PVT1: variants seen among roughly 807,000 people sequenced by gnomAD.
The protein encoded by PVT1 is CXCR4/PVT1 fusion.
chr8:128,075,486 T>C, intron 5 of PVT1, among the ~76,000 whole-genome samples: 1 of 152,326 alleles, frequency 6.6e-6, no homozygotes, highest in South Asian at 2.1e-4. Context: ...TATTAAATGA[T>C]TGCATTCATT....
intron 5 of PVT1, among the ~76,000 whole-genome samples, chr8:128,086,868 G>A (rs1313353499): frequency 6.6e-6 from 1 of 152,214 alleles, no homozygotes; most frequent in African/African-American, 2.4e-5. Context: ...AGTGGTTTCT[G>A]TTGATTACTC....
chr8:128,017,804 T>C (rs892569007), intron 4 of PVT1, among the ~76,000 whole-genome samples: 5 of 152,084 alleles, frequency 3.3e-5, no homozygotes, highest in Non-Finnish European at 5.9e-5. Flanking sequence ...TCGGCAGCCA[T>C]CACAGCCTGC....
intron 3 of PVT1, among the ~76,000 whole-genome samples, chr8:127,943,529 T>G (rs780320360): frequency 2.6e-5 from 4 of 152,216 alleles, no homozygotes; most frequent in Non-Finnish European, 5.9e-5. Context: ...TTGTGGGGGC[T>G]GTCCTATGTA....
chr8:127,795,149 A>G (rs1366244945), intron 1 of PVT1, among the ~76,000 whole-genome samples: 3 of 152,108 alleles, frequency 2.0e-5, no homozygotes, highest in Non-Finnish European at 4.4e-5. Context: ...ACACCCCCTC[A>G]GGGCTGGGCG....
chr8:128,057,349 A>G (rs1009711002), intron 4 of PVT1, among the ~76,000 whole-genome samples: 8 of 152,244 alleles, frequency 5.3e-5, no homozygotes, highest in Non-Finnish European at 1.0e-4. Context: ...TCAAACCCTT[A>G]TGACCTAACC....
At chr8:127,941,842 C>T (rs987334617) in intron 3 of PVT1, among the ~76,000 whole-genome samples, 13 of 152,196 alleles carry the variant, frequency 8.5e-5, no homozygotes, top group African/African-American at 3.1e-4. Flanking sequence ...GCCCCTCATC[C>T]AGCACCAGCT....
chr8:127,928,046 A>G (rs369328548), intron 3 of PVT1, among the ~76,000 whole-genome samples: 7 of 152,276 alleles, frequency 4.6e-5, no homozygotes, highest in African/African-American at 1.7e-4. Context: ...TCTTTGCTTG[A>G]CCCAATTACC....
intron 2 of PVT1, among the ~76,000 whole-genome samples, chr8:127,812,141 A>G (rs531239724): frequency 5.2e-5 from 7 of 135,114 alleles, no homozygotes; most frequent in Non-Finnish European, 7.9e-5. Context: ...AAGAAAAGAA[A>G]AGGAGGGGAG....
intron 2 of PVT1, among the ~76,000 whole-genome samples, chr8:127,859,813 T>C (rs1815199806): frequency 6.6e-6 from 1 of 151,980 alleles, no homozygotes; most frequent in African/African-American, 2.4e-5. Context: ...TGATACCATC[T>C]AGGTCGAAGG....
intron 4 of PVT1, among the ~76,000 whole-genome samples, chr8:128,055,076 C>T (rs1210667107): frequency 6.6e-6 from 1 of 152,144 alleles, no homozygotes; most frequent in South Asian, 2.1e-4. Context: ...ATCTTGCCAA[C>T]CTGCCCTGTA....
chr8:127,841,471 G>C (rs2129715991), intron 2 of PVT1, among the ~76,000 whole-genome samples: 1 of 152,032 alleles, frequency 6.6e-6, no homozygotes, highest in South Asian at 2.1e-4. Context: ...AGGGGGTTTT[G>C]CCATGTTGGC....
chr8:127,918,548 A>G (rs574024317), intron 3 of PVT1, among the ~76,000 whole-genome samples: 3 of 152,304 alleles, frequency 2.0e-5, no homozygotes, highest in South Asian at 2.1e-4. Flanking sequence ...AACTGAAGCC[A>G]TTGTGCCATA....
intron 2 of PVT1, among the ~76,000 whole-genome samples, chr8:127,875,363 G>GTCTCTCTCTC (rs139309505): frequency 2.0e-5 from 3 of 149,616 alleles, no homozygotes; most frequent in Non-Finnish European, 4.5e-5. Context: ...CTCTGTCTCT[G>GTCTCTCTCTC]TCTCTCTCTC....
intron 2 of PVT1, among the ~76,000 whole-genome samples, chr8:127,796,272 C>A (rs1188195939): frequency 6.6e-6 from 1 of 152,000 alleles, no homozygotes; most frequent in Non-Finnish European, 1.5e-5. Flanking sequence ...GATTAACTTT[C>A]CTTTTCCTCT....
intron 2 of PVT1, among the ~76,000 whole-genome samples, chr8:127,817,527 A>G (rs1376489414): frequency 1.4e-4 from 1 of 7,308 alleles, no homozygotes; most frequent in East Asian, 1.7e-3. Context: ...ATATCTATTT[A>G]AATATATATA....
chr8:128,057,041 C>T (rs964481135), intron 4 of PVT1, among the ~76,000 whole-genome samples: 6 of 152,164 alleles, frequency 3.9e-5, no homozygotes, highest in Admixed American at 6.5e-5. Context: ...AGGGTATTCT[C>T]ACCTCACCAC....
At chr8:127,915,563 G>T (rs1815973269) in intron 3 of PVT1, among the ~76,000 whole-genome samples, 1 of 129,896 alleles carries the variant, frequency 7.7e-6, no homozygotes, top group African/African-American at 3.0e-5. Flanking sequence ...GGTGAGCCGA[G>T]ATTGCATCAT....
chr8:128,068,138 A>G (rs1323811567), intron 4 of PVT1, among the ~76,000 whole-genome samples: 2 of 151,664 alleles, frequency 1.3e-5, no homozygotes, highest in Non-Finnish European at 2.9e-5. Context: ...ATGTGTCCTC[A>G]GTGGACGTGA....
At chr8:127,966,384 T>C (rs1042609607) in intron 3 of PVT1, among the ~76,000 whole-genome samples, 2 of 152,092 alleles carry the variant, frequency 1.3e-5, no homozygotes, top group Non-Finnish European at 2.9e-5. Flanking sequence ...GGACCCTGAG[T>C]CTTAGAAAAA....
Sources: allele counts gnomAD v4.1 joint callset (sites outside exome capture counted in the v4.1 genomes callset), GRCh38; gene constraint gnomAD v4.1.1; transcripts MANE v1.5; gene names NCBI Gene and HGNC (gene_info 2026-07-23, HGNC 2026-07-21).